The following COLEC12 variants were observed in gnomAD, a reference collection of about 807,000 sequenced individuals.
The protein encoded by COLEC12 is collectin-12.
A neutral mutation model predicts 71.1 loss-of-function variants in COLEC12; 33 were observed. The ratio of observed to expected loss-of-function variants is 0.46; its 90% CI spans 0.35 to 0.62. The LOEUF is 0.62. Among genes scored for constraint, COLEC12 ranks in the 20% least tolerant of loss-of-function variants. The pLI is 0.00. For missense variants in COLEC12, 765 were observed against 916.1 expected, an observed-to-expected ratio of 0.84 and a Z score of 2.13; for synonymous variants, 350 against 353.0, an observed-to-expected ratio of 0.99 and a Z score of 0.10.
chr18:446,612 G>A (rs1197026991), intron 2 of COLEC12, among the ~76,000 whole-genome samples: 1 of 151,504 alleles, frequency 6.6e-6, no homozygotes, highest in Non-Finnish European at 1.5e-5. Context: ...GGGAGGCTGA[G>A]GTGGGAGAAT....
chr18:355,844 C>A (rs1243842005), intron 3 of COLEC12, among the ~76,000 whole-genome samples: 1 of 152,192 alleles, frequency 6.6e-6, no homozygotes, highest in Admixed American at 6.5e-5. Flanking sequence ...CTTCCCACCC[C>A]ACCTCTGCCC....
chr18:470,655 T>C (rs529219444), intron 2 of COLEC12, among the ~76,000 whole-genome samples: 1 of 152,156 alleles, frequency 6.6e-6, no homozygotes, highest in Non-Finnish European at 1.5e-5. Flanking sequence ...CTCAGGAGGC[T>C]GAGGTGGGAG....
chr18:495,854 C>T (rs1057267053), intron 1 of COLEC12, among the ~76,000 whole-genome samples: 1 of 152,174 alleles, frequency 6.6e-6, no homozygotes, highest in Admixed American at 6.5e-5. Flanking sequence ...CCCCCCGCCA[C>T]CAACTAGCTG....
At chr18:357,633 TTACTA>T in intron 2 of COLEC12, 111 bp from the exon 3 acceptor site, 1 of 820,404 alleles carries the variant, frequency 1.2e-6, no homozygotes, top group South Asian at 2.1e-5. Flanking sequence ...TACAAATGCC[TTACTA>T]TACTATGAGA....
In COLEC12 at chr18:348,258, A is replaced by G. The variant is rs1455300362; in HGVS notation, c.182-95T>C. The stretch of plus-strand genomic sequence containing the variant: ...AGATCATTTCATTATGGAACAAAGG[A>G]AACAGATTGAACGAAAACAGTGTAA... On this transcript the variant is annotated intron_variant, in intron 3 of 9. Coordinates refer to ENST00000400256, the MANE Select transcript of COLEC12 (RefSeq NM_130386.3). 7.9e-6 allele frequency: 6 copies of G among 761,494 alleles called. No individual in the cohort carries two copies. The East Asian group carries it at 1.6e-4, about 20-fold the overall frequency. The allele number at this position is 761,494 out of a possible 1,614,324, so 47.2% of individuals were successfully genotyped here. A position where few individuals can be genotyped will look rare whatever the true frequency, so the allele number is the denominator to read the frequency against.
At position 408,127 on chromosome 18, in the gene COLEC12, G is replaced by A. The variant is rs1326702012; in HGVS notation, c.59-50605C>T. Among the ~76,000 whole-genome samples, 1 of 152,190 alleles carries A rather than the reference G, an allele frequency of 6.6e-6. No individual in the cohort carries two copies. The highest frequency in any genetic ancestry group is 1.5e-5 in the Non-Finnish European group (1 of 68,026). ...GCAAGAGGTTAAGTCAATTTCTTTG[G>A]TTTTCAGCATGGTGTGAGGACAGTG... On this transcript the variant is annotated intron_variant, in intron 2 of 9. Transcript: ENST00000400256. This position sits in a 1 kb window ranked among gnomAD's most constrained non-coding sequence, Gnocchi z 4.3.
intron 1 of COLEC12, among the ~76,000 whole-genome samples, chr18:487,627 T>A (rs1158313397): frequency 6.6e-6 from 1 of 152,148 alleles, no homozygotes; most frequent in African/African-American, 2.4e-5. Flanking sequence ...TGAGAGGAAC[T>A]GTAATGAAAT....
intron 2 of COLEC12, among the ~76,000 whole-genome samples, chr18:476,556 CA>C (rs1323113213): frequency 6.6e-6 from 1 of 152,112 alleles, no homozygotes; most frequent in Non-Finnish European, 1.5e-5. Context: ...CCATTGCGAC[CA>C]ATCAATGAAA....
intron 2 of COLEC12, among the ~76,000 whole-genome samples, chr18:463,849 G>A (rs1323145866): frequency 1.3e-5 from 2 of 152,054 alleles, no homozygotes; most frequent in East Asian, 1.9e-4. Flanking sequence ...AGACTGCTCC[G>A]TGAAAAGGCT....
intron 2 of COLEC12, among the ~76,000 whole-genome samples, chr18:407,822 T>C (rs1449946811): frequency 6.6e-6 from 1 of 152,244 alleles, no homozygotes; most frequent in Non-Finnish European, 1.5e-5. Context: ...GACTGCAATG[T>C]ATCAATCCTG....
At chr18:352,595 T>C (rs755486347) in intron 3 of COLEC12, among the ~76,000 whole-genome samples, 7 of 152,138 alleles carry the variant, frequency 4.6e-5, no homozygotes, top group Admixed American at 2.6e-4. Flanking sequence ...TAATGAACAG[T>C]TTACATGCAC....
intron 2 of COLEC12, among the ~76,000 whole-genome samples, chr18:392,792 G>T: frequency 6.6e-6 from 1 of 152,226 alleles, no homozygotes; most frequent in East Asian, 1.9e-4. Flanking sequence ...CCTAATGCAG[G>T]CCGGTTTGAG....
Position 321,657 on chromosome 18 carries a change from CT to C in COLEC12, c.2209+4del. On this transcript the variant is annotated splice_donor_region_variant and intron_variant, in intron 9 of 9. Transcript: ENST00000400256. The stretch of plus-strand genomic sequence containing the variant: ...GCTCCCTCTTAAATCCCATCTACTG[CT>C]CACCTGTCTCCCTGTCTTTTTCGCA... 2 of 1,614,194 alleles carry C rather than the reference CT, an allele frequency of 1.2e-6. No homozygotes were observed. Among genetic ancestry groups the C allele is most frequent in the Non-Finnish European group, 1.7e-6 (2 of 1,180,024 alleles).
At chr18:496,789 G>C (rs1417178876) in intron 1 of COLEC12, among the ~76,000 whole-genome samples, 1 of 152,222 alleles carries the variant, frequency 6.6e-6, no homozygotes, top group Non-Finnish European at 1.5e-5. Context: ...TTGGACCTCT[G>C]TGGTCCCGGG....
intron 3 of COLEC12, among the ~76,000 whole-genome samples, chr18:351,916 A>C (rs1598335367): frequency 6.6e-6 from 1 of 152,020 alleles, no homozygotes; most frequent in East Asian, 1.9e-4. Flanking sequence ...CTGACCTCAG[A>C]TGATCTGCCC....
At chr18:479,763 T>C (rs1169193444) in intron 2 of COLEC12, among the ~76,000 whole-genome samples, 1 of 152,160 alleles carries the variant, frequency 6.6e-6, no homozygotes, top group Non-Finnish European at 1.5e-5. Context: ...TGCAGCAGCC[T>C]GGGAGGCAGA....
chr18:432,187 C>T (rs780797149), intron 2 of COLEC12, among the ~76,000 whole-genome samples: 1 of 152,184 alleles, frequency 6.6e-6, no homozygotes, highest in Non-Finnish European at 1.5e-5. Context: ...TTAATTAATT[C>T]ATTCATTAAC....
intron 2 of COLEC12, among the ~76,000 whole-genome samples, chr18:375,392 C>G (rs1253196866): frequency 1.3e-5 from 2 of 152,224 alleles, no homozygotes; most frequent in East Asian, 1.9e-4. Flanking sequence ...CGGGTTTTTA[C>G]TTAAAAACAT....
chr18:457,158 C>T (rs563981880), intron 2 of COLEC12, among the ~76,000 whole-genome samples: 10 of 152,216 alleles, frequency 6.6e-5, no homozygotes, highest in Admixed American at 1.3e-4. Context: ...TGAGGCCTGC[C>T]GATCTGCTGA....
Sources: gnomAD v4.1 joint callset for allele counts (sites outside exome capture counted in the v4.1 genomes callset) on GRCh38, gnomAD v4.1.1 for gene constraint, Gnocchi (gnomAD v3.1) non-coding constraint, MANE v1.5 for transcripts, NCBI Gene and HGNC (gene_info 2026-07-23, HGNC 2026-07-21) for gene names.